Variants in DLGAP2 observed in about 807,000 individuals in gnomAD.
DLGAP2 encodes the protein disks large-associated protein 2.
DLGAP2 carries 26 observed loss-of-function variants against 100.3 expected under a neutral mutation model. That is an observed-to-expected ratio of 0.26 (90% CI 0.19 to 0.36). DLGAP2 has a LOEUF of 0.36. Among genes scored for constraint, DLGAP2 ranks in the 10% least tolerant of loss-of-function variants. The pLI is 1.00. For missense variants in DLGAP2, 1,858 were observed against 1,453.2 expected (o/e 1.28, Z -4.53); for synonymous variants, 886 against 630.1 (o/e 1.41, Z -6.08).
chr8:1,615,716 GA>G (rs1453660462), intron 6 of DLGAP2, among the ~76,000 whole-genome samples: 1 of 113,760 alleles, frequency 8.8e-6, no homozygotes, highest in Non-Finnish European at 2.0e-5. Flanking sequence ...AAGGTCTTAT[GA>G]ATGATATAAA....
At chr8:1,684,013 A>C (rs1799047802) in intron 12 of DLGAP2, among the ~76,000 whole-genome samples, 2 of 120,686 alleles carry the variant, frequency 1.7e-5, no homozygotes, top group Admixed American at 9.1e-5. Flanking sequence ...ACGAAGTCTC[A>C]CTCTGACACC....
intron 1 of DLGAP2, among the ~76,000 whole-genome samples, chr8:854,972 A>G (rs915894198): frequency 6.6e-6 from 1 of 152,238 alleles, no homozygotes; most frequent in Non-Finnish European, 1.5e-5. Context: ...GGCAAAGTGC[A>G]GGTTAAAAAA....
At chr8:1,648,750 C>T (rs146359739) in intron 8 of DLGAP2, among the ~76,000 whole-genome samples, 2 of 152,200 alleles carry the variant, frequency 1.3e-5, no homozygotes, top group African/African-American at 4.8e-5. Flanking sequence ...CTCCCTGAGC[C>T]CCTGGTCCCC....
intron 3 of DLGAP2, among the ~76,000 whole-genome samples, chr8:1,270,408 G>A (rs1799556411): frequency 6.6e-6 from 1 of 152,312 alleles, no homozygotes; most frequent in Middle Eastern, 3.4e-3. Flanking sequence ...CTTATAGGAT[G>A]CAGAAGCATT....
chr8:1,550,363 G>A (rs1473298390), intron 5 of DLGAP2, among the ~76,000 whole-genome samples: 1 of 152,188 alleles, frequency 6.6e-6, no homozygotes, highest in East Asian at 1.9e-4. Flanking sequence ...AGTCTGGCCT[G>A]CTCTGGGAGG....
intron 3 of DLGAP2, among the ~76,000 whole-genome samples, chr8:1,469,358 T>G (rs1034455443): frequency 6.6e-6 from 1 of 152,234 alleles, no homozygotes; most frequent in Non-Finnish European, 1.5e-5. Flanking sequence ...GCGGGCTTTA[T>G]TCTGGCTCCT....
intron 3 of DLGAP2, among the ~76,000 whole-genome samples, chr8:1,324,600 G>A (rs111531253): frequency 0.026 from 3,906 of 152,202 alleles, 180 homozygotes; most frequent in African/African-American, 0.089. Flanking sequence ...CTTAAGCTGC[G>A]TGGTTTGCAA....
At chr8:1,597,583 C>T (rs1446408487) in intron 6 of DLGAP2, among the ~76,000 whole-genome samples, 3 of 152,188 alleles carry the variant, frequency 2.0e-5, no homozygotes, top group Non-Finnish European at 4.4e-5. Context: ...AGGTCCTTCA[C>T]ATCCCTTGTA....
chr8:1,227,390 T>C (rs557227017), intron 2 of DLGAP2, among the ~76,000 whole-genome samples: 1 of 151,890 alleles, frequency 6.6e-6, no homozygotes, highest in African/African-American at 2.4e-5. Flanking sequence ...TTGTTTTCCA[T>C]TTGATTGATA....
intron 2 of DLGAP2, among the ~76,000 whole-genome samples, chr8:936,651 A>G (rs958366233): frequency 6.6e-6 from 1 of 152,102 alleles, no homozygotes; most frequent in South Asian, 2.1e-4. Flanking sequence ...GCCTAGTTGG[A>G]AGCTGGAGCC....
chr8:1,333,104 T>A lies in DLGAP2; in HGVS notation c.106+74221T>A, dbSNP rs1801195598. Among the ~76,000 whole-genome samples the A allele has an allele frequency of 2.6e-5, 4 of 152,172 alleles. 1 individual carries two copies. The South Asian group carries it at 8.3e-4, about 31-fold the overall frequency. Reference sequence around the variant, plus strand: ...AGGCTCTTCATGCCTCCGGGCGGTCTGTTCCTCCTAAGCAGATGGACCTCC... The same window carrying A: ...AGGCTCTTCATGCCTCCGGGCGGTCAGTTCCTCCTAAGCAGATGGACCTCC... On this transcript the variant is annotated intron_variant, in intron 3 of 14. Coordinates refer to ENST00000637795, the MANE Select transcript of DLGAP2 (RefSeq NM_001346810.2).
intron 1 of DLGAP2, among the ~76,000 whole-genome samples, chr8:857,464 C>G (rs918233076): frequency 2.2e-4 from 33 of 152,108 alleles, no homozygotes; most frequent in African/African-American, 7.7e-4. Context: ...GCAAAATATA[C>G]AAATAATTTT....
intron 2 of DLGAP2, among the ~76,000 whole-genome samples, chr8:1,180,068 G>A (rs1298089375): frequency 6.6e-6 from 1 of 152,192 alleles, no homozygotes; most frequent in Non-Finnish European, 1.5e-5. Context: ...ATTGTTGAAT[G>A]TTCATGTTGT....
intron 2 of DLGAP2, among the ~76,000 whole-genome samples, chr8:1,046,599 C>T (rs1186259644): frequency 6.6e-6 from 1 of 152,184 alleles, no homozygotes; most frequent in Non-Finnish European, 1.5e-5. Flanking sequence ...CCTTCATCCC[C>T]ATAACCCAGA....
intron 10 of DLGAP2, among the ~76,000 whole-genome samples, chr8:1,673,087 T>C: frequency 6.6e-6 from 1 of 152,190 alleles, no homozygotes; most frequent in East Asian, 1.9e-4. Context: ...ATTCATCTTT[T>C]TTTCTTGCAC....
At chr8:1,325,702 G>C (rs80034362) in intron 3 of DLGAP2, among the ~76,000 whole-genome samples, 3,181 of 152,308 alleles carry the variant, frequency 0.021, 57 homozygotes, top group Non-Finnish European at 0.031. Context: ...TGTGCTGCTA[G>C]AGAGTTTAAA....
At chr8:954,980 A>C (rs921474530) in intron 2 of DLGAP2, among the ~76,000 whole-genome samples, 2 of 152,170 alleles carry the variant, frequency 1.3e-5, no homozygotes, top group Admixed American at 6.5e-5. Flanking sequence ...GAGAACGAGG[A>C]TTTTTAAAAA....
At chr8:1,299,487 G>A (rs1457659797) in intron 3 of DLGAP2, among the ~76,000 whole-genome samples, 1 of 152,336 alleles carries the variant, frequency 6.6e-6, no homozygotes, top group South Asian at 2.1e-4. Context: ...AGGAATGCCA[G>A]GTTGCATGAG....
intron 2 of DLGAP2, among the ~76,000 whole-genome samples, chr8:1,239,900 A>ATGTCTAGTTCTCTCACATGGCACCG (rs1798746203): frequency 1.4e-5 from 1 of 70,166 alleles, no homozygotes; most frequent in Non-Finnish European, 2.9e-5. Context: ...ACATGGTGCC[A>ATGTCTAGTTCTCTCACATGGCACCG]TGTCTAGTTC....
Sources: gnomAD v4.1 joint callset for allele counts (sites outside exome capture counted in the v4.1 genomes callset) on GRCh38, gnomAD v4.1.1 for gene constraint, MANE v1.5 for transcripts, NCBI Gene and HGNC (gene_info 2026-07-23, HGNC 2026-07-21) for gene names.